The following BEND2 variants were observed in gnomAD, a reference collection of about 807,000 sequenced individuals.
BEND2 encodes the protein BEN domain containing 2.
BEND2 carries 19 observed loss-of-function variants against 43.8 expected under a neutral mutation model. The ratio of observed to expected loss-of-function variants is 0.43; its 90% confidence interval spans 0.30 to 0.64. BEND2 has a LOEUF of 0.64. Among genes scored for constraint, BEND2 ranks in the 30% least tolerant of loss-of-function variants. The probability of loss-of-function intolerance (pLI) is 0.11; values close to 1 mark genes in which losing one functional copy is unlikely to be tolerated. For missense variants in BEND2, 544 were observed against 574.0 expected, an observed-to-expected ratio of 0.95 and a Z score of 0.53; for synonymous variants, 226 against 210.1, an observed-to-expected ratio of 1.08 and a Z score of -0.66.
In BEND2 at chrX:18,177,609, G is replaced by A. The variant is rs1380433843; in HGVS notation, c.1590C>T (p.Asp530=). 9 of 1,211,389 alleles carry A rather than the reference G, an allele frequency of 7.4e-6. No homozygotes were observed. The highest frequency in any genetic ancestry group is 6.7e-6 in the Non-Finnish European group (6 of 895,293). Residue 530 remains aspartate (D), a synonymous_variant, in exon 10 of 14, where the codon GAC becomes GAT. Coordinates refer to ENST00000380033, the MANE Select transcript of BEND2 (RefSeq NM_153346.5). ...TTTTGTTCGGGTCGAGGGATTGGCT[G>A]TCTTTCAAATGGATATCCACTGAGC... is the stretch of plus-strand genomic sequence containing the variant. The part of the protein sequence containing the change: ...ISSSVDIHLK[D]SQSLDPNKMA...
chrX:18,193,808 C>T (rs1013587996), intron 7 of BEND2, among the ~76,000 whole-genome samples: 9 of 111,375 alleles, frequency 8.1e-5, no homozygotes, highest in African/African-American at 2.6e-4. Flanking sequence ...ACCTTGGCTA[C>T]GGCCCCTTCC....
chrX:18,181,694 G>A (rs1054178946), intron 8 of BEND2, among the ~76,000 whole-genome samples: 5 of 111,742 alleles, frequency 4.5e-5, no homozygotes, highest in East Asian at 2.8e-4. Context: ...CCAACAGGCA[G>A]TGATAAGTCA....
intron 13 of BEND2, among the ~76,000 whole-genome samples, chrX:18,170,344 G>T: frequency 8.9e-6 from 1 of 111,983 alleles, no homozygotes; most frequent in East Asian, 2.8e-4. Flanking sequence ...TGGGTTAGAT[G>T]ATAACAAATG....
intron 6 of BEND2, among the ~76,000 whole-genome samples, chrX:18,199,501 C>T (rs769150076): frequency 9.8e-5 from 11 of 111,960 alleles, no homozygotes; most frequent in South Asian, 7.4e-4. Flanking sequence ...TAATCAATGC[C>T]AATATCCTGG....
rs1569124677 is a variant in BEND2, at chrX:18,201,882, T to G, written c.966A>C (p.Pro322=). The G allele has an allele frequency of 8.3e-7, 1 of 1,210,266 alleles. No individual in the cohort carries two copies. The highest frequency in any genetic ancestry group is 1.1e-6 in the Non-Finnish European group (1 of 894,794). Residue 322 remains proline, a synonymous_variant, in exon 6 of 14, where the codon CCA becomes CCC. Transcript: ENST00000380033. ...SKNSTETANY[P]TLMGNYNGQN... is the part of the protein sequence containing the mutation. ...GGCCATTGTAATTTCCCATTAAAGT[T>G]GGATAATTCGCTGTCTCAGTGCTGT...
chrX:18,176,313 C>T (rs1156804537), intron 10 of BEND2, among the ~76,000 whole-genome samples: 2 of 103,366 alleles, frequency 1.9e-5, no homozygotes, highest in East Asian at 6.0e-4. Context: ...ATTTCCCCTA[C>T]CATGAGATCC....
chrX:18,216,163 C>T (rs1232865969), intron 2 of BEND2, among the ~76,000 whole-genome samples: 1 of 111,397 alleles, frequency 9.0e-6, no homozygotes, highest in Non-Finnish European at 1.9e-5. Flanking sequence ...ATCATGCCAC[C>T]TGCTCCATGG....
chrX:18,190,973 C>T (rs770941730), intron 8 of BEND2, 28 bp downstream of exon 8: 1 of 1,137,830 alleles, frequency 8.8e-7, no homozygotes, highest in Non-Finnish European at 1.2e-6. Flanking sequence ...AAGAGTGCTA[C>T]TTGTAACATA....
In BEND2 at chrX:18,164,088, T is replaced by C. The variant is rs1053007695; in HGVS notation, c.*921A>G. The C allele has an allele frequency of 1.6e-4, 18 of 111,337 alleles. No individual in the cohort carries two copies. The highest frequency in any genetic ancestry group is 5.5e-4 in the African/African-American group (17 of 30,633). 9.2% of individuals were successfully genotyped at this position (111,337 alleles called of 1,213,427 possible). A position where few individuals can be genotyped will look rare whatever the true frequency, so the allele number is the denominator to read the frequency against. On this transcript the variant is annotated 3_prime_UTR_variant, in exon 14 of 14. Transcript: ENST00000380033. ...CCCAGGCTCGAGTGCAGTGGCACAA[T>C]CTCGGCTCACTGCAGTCTCCACCTC...
At chrX:18,212,348 C>G (rs1334304353) in intron 4 of BEND2, among the ~76,000 whole-genome samples, 2 of 111,109 alleles carry the variant, frequency 1.8e-5, no homozygotes, top group African/African-American at 6.5e-5. Flanking sequence ...ATCTACCCGC[C>G]TTGGCCTCCC....
rs762874856 is a variant in BEND2, at chrX:18,177,633, G to C, written c.1566C>G (p.Ser522Arg). ...TGTCTTTCAAATGGATATCCACTGA[G>C]CTGCTAATCAGGATTTCCTTGGAGA... ...ILFSKEILIS[S>R]SVDIHLKDSQ... Residue 522 changes from serine to arginine, a missense_variant, in exon 10 of 14, where the codon AGC becomes AGG. Ser to Arg is a moderately radical substitution (Grantham distance 110). Transcript: ENST00000380033. The C allele has an allele frequency of 4.1e-6, 5 of 1,209,203 alleles. No homozygotes were observed. The highest frequency in any genetic ancestry group is 5.6e-6 in the Non-Finnish European group (5 of 894,939).
intron 7 of BEND2, among the ~76,000 whole-genome samples, chrX:18,193,437 G>A (rs1180570583): frequency 1.8e-5 from 2 of 111,830 alleles, no homozygotes; most frequent in Admixed American, 9.5e-5. Context: ...AAACCTACTC[G>A]TGACAAAACT....
chrX:18,215,504 C>T lies in BEND2; in HGVS notation c.238+1017G>A, dbSNP rs186800715. Among the ~76,000 whole-genome samples, 398 of 112,208 alleles carry T rather than the reference C, an allele frequency of 3.5e-3. 13 individuals carry two copies. In the Admixed American group the frequency reaches 0.038, roughly 11 times the overall value. On this transcript the variant is annotated intron_variant, in intron 2 of 13. Coordinates refer to ENST00000380033, the MANE Select transcript of BEND2 (RefSeq NM_153346.5). ...CTTTGCCACCTGTTCTTGTATAGCT[C>T]ATAAGCTAAGATATTATGGACTTTT...
intron 13 of BEND2, among the ~76,000 whole-genome samples, chrX:18,167,492 A>AAT (rs776068740): frequency 5.4e-4 from 60 of 111,722 alleles, no homozygotes; most frequent in African/African-American, 1.7e-3. Flanking sequence ...GAATACTAAC[A>AAT]ATAAGTACTG....
chrX:18,183,438 G>T (rs1047761228), intron 8 of BEND2, among the ~76,000 whole-genome samples: 1 of 112,550 alleles, frequency 8.9e-6, no homozygotes, highest in African/African-American at 3.2e-5. Flanking sequence ...TTCGGAGCTA[G>T]ATGGCTAAAT....
intron 11 of BEND2, among the ~76,000 whole-genome samples, 168 bp from the exon 12 acceptor site, chrX:18,174,426 G>A (rs1275406385): frequency 8.9e-6 from 1 of 112,137 alleles, no homozygotes; most frequent in Non-Finnish European, 1.9e-5. Flanking sequence ...CTGGAAAGAA[G>A]GAAAGGGGTG....
intron 6 of BEND2, among the ~76,000 whole-genome samples, chrX:18,197,652 G>A (rs2031811659): frequency 9.0e-6 from 1 of 110,797 alleles, no homozygotes; most frequent in African/African-American, 3.3e-5. Context: ...TTTCCAGCCT[G>A]GTTTCTGCAA....
In BEND2 at chrX:18,163,777, T is replaced by G. The variant is rs1364179662; in HGVS notation, c.*1232A>C. On this transcript the variant is annotated 3_prime_UTR_variant, in exon 14 of 14. Coordinates refer to ENST00000380033, the MANE Select transcript of BEND2 (RefSeq NM_153346.5). Reference sequence around the variant, plus strand: ...ACTTTTCTTTTAAAAAAATTTTATTTTTAATTGACAAATAATAACTGCATG... The same window carrying G: ...ACTTTTCTTTTAAAAAAATTTTATTGTTAATTGACAAATAATAACTGCATG... The G allele has an allele frequency of 8.9e-6, 1 of 112,205 alleles. No homozygotes were observed. Among genetic ancestry groups the G allele is most frequent in the Non-Finnish European group, 1.9e-5 (1 of 53,245 alleles). 9.2% of individuals were successfully genotyped at this position (112,205 alleles called of 1,213,427 possible). A position where few individuals can be genotyped will look rare whatever the true frequency, so the allele number is the denominator to read the frequency against.
intron 13 of BEND2, 200 bp downstream of exon 13, chrX:18,170,801 G>A: frequency 2.5e-6 from 1 of 400,713 alleles, no homozygotes; most frequent in Non-Finnish European, 3.2e-6. Context: ...TCAAGACAGA[G>A]CAATTAGCCC....
Sources: allele counts gnomAD v4.1 joint callset (sites outside exome capture counted in the v4.1 genomes callset), GRCh38; gene constraint gnomAD v4.1.1; transcripts MANE v1.5; gene names NCBI Gene and HGNC (gene_info 2026-07-23, HGNC 2026-07-21).